Variants in WHAMM observed in about 807,000 individuals in gnomAD.
WHAMM encodes WASP homolog associated with actin, golgi membranes and microtubules.
A neutral mutation model predicts 76.5 loss-of-function variants in WHAMM; 67 were observed. That is an observed-to-expected ratio of 0.88 (90% CI 0.72 to 1.07). The LOEUF (loss-of-function observed/expected upper bound fraction) is 1.07, where lower values mean the gene tolerates loss of function less well. WHAMM is among the 50% of genes least tolerant of loss of function. The pLI is 0.00. For synonymous variants in WHAMM, 419 were observed against 422.1 expected (o/e 0.99, Z 0.09); for missense variants, 1,021 against 1,051.1 (o/e 0.97, Z 0.40).
At chr15:82,826,876 C>T (rs1282680376) in intron 8 of WHAMM, 30 bp downstream of exon 8, 1 of 1,532,556 alleles carries the variant, frequency 6.5e-7, no homozygotes, top group Non-Finnish European at 8.8e-7. Context: ...ACCTCATCTA[C>T]ACTTCTGGGG....
intron 6 of WHAMM, among the ~76,000 whole-genome samples, chr15:82,823,919 A>G (rs536101829): frequency 3.3e-5 from 5 of 152,324 alleles, no homozygotes; most frequent in African/African-American, 1.2e-4. Context: ...ATAGCCAACT[A>G]TAACAATTCT....
chr15:82,829,907 G>GT (rs1403185518), intron 8 of WHAMM, among the ~76,000 whole-genome samples: 1 of 152,144 alleles, frequency 6.6e-6, no homozygotes, highest in East Asian at 1.9e-4. Flanking sequence ...TTAGCTCTTT[G>GT]TAGGGCTAGG....
intron 8 of WHAMM, among the ~76,000 whole-genome samples, chr15:82,830,353 A>C (rs1221568774): frequency 6.6e-6 from 1 of 152,132 alleles, no homozygotes; most frequent in East Asian, 1.9e-4. Context: ...CTCTATATGT[A>C]TGCTTTCATA....
At position 82,830,958 on chromosome 15, in the gene WHAMM, A is replaced by C; in HGVS notation, c.2001A>C (p.Gln667His). The stretch of plus-strand genomic sequence containing the variant: ...TCCGTGCTCTGTCCTCATCCTCTCA[A>C]GCTGCAACTCATCAGAACTTAGGCT... ...PPLRALSSSSQAATHQNLGFR... is the reference protein window; with the variant it reads ...PPLRALSSSSHAATHQNLGFR... The change falls in exon 9 of 10, where the codon CAA becomes CAC. Residue 667 changes from glutamine to histidine, a missense_variant. By Grantham distance (24) the Gln-to-His change is conservative. This residue lies in a region of WHAMM where 509 missense variants were observed against 492.3 expected (regional missense o/e 1.03). Transcript: ENST00000286760. 1 of 1,605,216 alleles carries C rather than the reference A, an allele frequency of 6.2e-7. No individual in the cohort carries two copies. The highest frequency in any genetic ancestry group is 8.5e-7 in the Non-Finnish European group (1 of 1,178,482).
chr15:82,833,456 G>A lies in WHAMM; in HGVS notation c.2350G>A (p.Ala784Thr), dbSNP rs770241644. The A allele has an allele frequency of 6.2e-7, 1 of 1,614,042 alleles. No homozygotes were observed. Among genetic ancestry groups the A allele is most frequent in the Non-Finnish European group, 8.5e-7 (1 of 1,179,908 alleles). ...TGACCTTGAGAGGAGCATCAAGGCT[G>A]CGCTCCAGAGAATCAAGAGGGTGTC... ...TSDLERSIKAALQRIKRVSAD... is the reference protein window; with the variant it reads ...TSDLERSIKATLQRIKRVSAD... Residue 784 changes from alanine (A) to threonine (T), a missense_variant, in exon 10 of 10, where the codon GCG becomes ACG. This residue lies in a region of WHAMM where 509 missense variants were observed against 492.3 expected (regional missense o/e 1.03). Coordinates refer to ENST00000286760, the MANE Select transcript of WHAMM (RefSeq NM_001080435.3).
chr15:82,812,039 A>G (rs1362523524), intron 1 of WHAMM, among the ~76,000 whole-genome samples: 1 of 152,182 alleles, frequency 6.6e-6, no homozygotes, highest in Non-Finnish European at 1.5e-5. Flanking sequence ...GAGTCCACCT[A>G]GATTATACAC....
chr15:82,827,706 A>T (rs1171965540), intron 8 of WHAMM, among the ~76,000 whole-genome samples: 1 of 152,214 alleles, frequency 6.6e-6, no homozygotes. Context: ...GCACTTTGGG[A>T]GGCTGAGGCG....
chr15:82,827,411 AT>A (rs2050953924), intron 8 of WHAMM, among the ~76,000 whole-genome samples: 1 of 151,894 alleles, frequency 6.6e-6, no homozygotes. Flanking sequence ...CCTGAGTCTA[AT>A]TTTTTTCTAT....
chr15:82,833,914 A>AT lies in WHAMM; in HGVS notation c.*384dup, dbSNP rs970902865. On this transcript the variant is annotated 3_prime_UTR_variant, in exon 10 of 10. Transcript: ENST00000286760. ...CCACCTTGCCCAACTAATTTTTTGT[A>AT]TTTTTTAGTAGAGACGAGGTTTCAC... is the stretch of plus-strand genomic sequence containing the variant. 1.6e-5 allele frequency: 3 copies of AT among 190,860 alleles called. No individual in the cohort carries two copies. Among genetic ancestry groups the AT allele is most frequent in the East Asian group, 1.2e-4 (1 of 8,176 alleles). The allele number at this position is 190,860 out of a possible 1,614,324, so 11.8% of individuals were successfully genotyped here.
chr15:82,830,910 A>ACCG lies in WHAMM; in HGVS notation c.1959_1961dup (p.Pro658dup). ...CTCCTCCACCACCACCACCGCCGCC[A>ACCG]CCGCCGCCCCCACCCCCTCCTCTCC... is the stretch of plus-strand genomic sequence containing the variant. On this transcript the variant is annotated inframe_insertion, in exon 9 of 10. Transcript: ENST00000286760. The ACCG allele has an allele frequency of 1.1e-6, 1 of 900,678 alleles. No homozygotes were observed. Among genetic ancestry groups the ACCG allele is most frequent in the Non-Finnish European group, 1.7e-6 (1 of 600,516 alleles). The allele number at this position is 900,678 out of a possible 1,614,324, so 55.8% of individuals were successfully genotyped here.
rs2051100087 is a variant in WHAMM, at chr15:82,834,544, T to C, written c.*1008T>C. The C allele has an allele frequency of 6.5e-6, 1 of 152,686 alleles. No homozygotes were observed. Among genetic ancestry groups the C allele is most frequent in the South Asian group, 2.1e-4 (1 of 4,838 alleles). 9.5% of individuals were successfully genotyped at this position (152,686 alleles called of 1,614,324 possible). ...TTTACACTACACTGGTAAGCAGTAC[T>C]ATTAGACTACTGACTGTGGCCTTCT... On this transcript the variant is annotated 3_prime_UTR_variant, in exon 10 of 10. Transcript: ENST00000286760.
rs1351680009 is a variant in WHAMM, at chr15:82,813,199, A to G, written c.706A>G (p.Thr236Ala). Residue 236 changes from threonine to alanine, a missense_variant, in exon 2 of 10, where the codon ACC becomes GCC. Coordinates refer to ENST00000286760, the MANE Select transcript of WHAMM (RefSeq NM_001080435.3). ...ATACCAGGAATTGGTTACCGTGGCA[A>G]CCATGTTCTTCCAGTACTTATTGCA... ...EAYQELVTVA[T>A]MFFQYLLQPF... 1 of 1,613,048 alleles carries G rather than the reference A, an allele frequency of 6.2e-7. No homozygotes were observed. Among genetic ancestry groups the G allele is most frequent in the East Asian group, 2.2e-5 (1 of 44,886 alleles).
intron 1 of WHAMM, among the ~76,000 whole-genome samples, chr15:82,811,143 T>A (rs1216395681): frequency 6.6e-6 from 1 of 152,208 alleles, no homozygotes; most frequent in Non-Finnish European, 1.5e-5. Context: ...AAATGTAGAA[T>A]AAGCTTTCCA....
chr15:82,833,419 CA>C lies in WHAMM; in HGVS notation c.2314del (p.Arg772AspfsTer53). On this transcript the variant is annotated frameshift_variant, in exon 10 of 10. Transcript: ENST00000286760. LOFTEE classifies it high-confidence loss of function. ...ACCCCAGCAGCAAACCAACCAGCAA[CA>C]GACGCACCAGTGACCTTGAGAGGAG... Reference protein sequence around the residue: ...PNPSSKPTSNRRTSDLERSIK... With the variant: ...PNPSSKPTSNXRTSDLERSIK... 1 of 1,614,024 alleles carries C rather than the reference CA, an allele frequency of 6.2e-7. No individual in the cohort carries two copies. Among genetic ancestry groups the C allele is most frequent in the African/African-American group, 1.3e-5 (1 of 75,048 alleles).
chr15:82,815,317 G>A (rs1240230795), intron 2 of WHAMM, among the ~76,000 whole-genome samples: 1 of 151,252 alleles, frequency 6.6e-6, no homozygotes, highest in Non-Finnish European at 1.5e-5. Context: ...TCCCTACTCT[G>A]GACATAGCAA....
At chr15:82,817,418 G>C (rs776920010) in intron 3 of WHAMM, among the ~76,000 whole-genome samples, 8 of 152,132 alleles carry the variant, frequency 5.3e-5, no homozygotes, top group Admixed American at 3.3e-4. Context: ...TTAAATAATT[G>C]TTGATAAAAA....
intron 2 of WHAMM, among the ~76,000 whole-genome samples, chr15:82,815,738 C>G (rs1054985579): frequency 2.6e-5 from 4 of 152,158 alleles, no homozygotes; most frequent in African/African-American, 9.7e-5. Flanking sequence ...TACTGTGTGT[C>G]TCTTTGGTTA....
At chr15:82,818,454 A>G (rs1229864283) in intron 4 of WHAMM, among the ~76,000 whole-genome samples, 2 of 152,144 alleles carry the variant, frequency 1.3e-5, no homozygotes, top group Admixed American at 6.5e-5. Flanking sequence ...TTCCAACACC[A>G]TCTTCTGTGG....
chr15:82,829,872 C>T (rs1170851650), intron 8 of WHAMM, among the ~76,000 whole-genome samples: 1 of 152,068 alleles, frequency 6.6e-6, no homozygotes, highest in East Asian at 1.9e-4. Context: ...TAATCAGTGC[C>T]TTCTTTAGGG....
Sources: gnomAD v4.1 joint callset for allele counts (sites outside exome capture counted in the v4.1 genomes callset) on GRCh38, gnomAD v4.1.1 for gene constraint, gnomAD v4.1.1 regional missense constraint, MANE v1.5 for transcripts, NCBI Gene and HGNC (gene_info 2026-07-23, HGNC 2026-07-21) for gene names.